The following ANKH variants were observed in gnomAD, a reference collection of about 807,000 sequenced individuals.
The protein encoded by ANKH is ANKH inorganic pyrophosphate transport regulator, also known as mineralization regulator ANKH.
In ANKH, 15 loss-of-function variants were observed where a neutral mutation model predicts 49.0. The observed-to-expected ratio is 0.31, with a 90% CI of 0.20 to 0.47. The LOEUF is 0.47. Ranked by LOEUF, ANKH falls within the 20% of genes least tolerant of loss-of-function variation. The pLI is 1.00. For missense variants in ANKH, 429 were observed against 652.0 expected (o/e 0.66, Z 3.72); for synonymous variants, 273 against 260.0 (o/e 1.05, Z -0.48).
At chr5:14,720,267 A>G (rs7727182) in intron 8 of ANKH, among the ~76,000 whole-genome samples, 2,291 of 152,322 alleles carry the variant, frequency 0.015, 68 homozygotes, top group African/African-American at 0.053. Context: ...GCTTGATGAC[A>G]GTACTCACAC....
chr5:14,762,567 C>T (rs1329844299), intron 2 of ANKH, among the ~76,000 whole-genome samples: 1 of 152,156 alleles, frequency 6.6e-6, no homozygotes, highest in Non-Finnish European at 1.5e-5. Flanking sequence ...GATTTTCTAA[C>T]TTCCATCTAC....
intron 1 of ANKH, among the ~76,000 whole-genome samples, chr5:14,781,461 T>C (rs906842632): frequency 1.3e-4 from 20 of 152,166 alleles, no homozygotes; most frequent in Non-Finnish European, 2.2e-4. Context: ...CCATTAAGAA[T>C]AGGGACAAAC....
intron 1 of ANKH, among the ~76,000 whole-genome samples, chr5:14,856,484 G>A (rs569061437): frequency 1.3e-4 from 20 of 152,082 alleles, no homozygotes; most frequent in African/African-American, 3.1e-4. Context: ...GCCAGTGGGT[G>A]CAGAGGTCCT....
intron 1 of ANKH, among the ~76,000 whole-genome samples, chr5:14,785,533 T>C (rs1739946853): frequency 6.6e-6 from 1 of 152,180 alleles, no homozygotes; most frequent in Admixed American, 6.5e-5. Context: ...CTATGCTTCT[T>C]GTACAGCCTG....
chr5:14,840,694 C>G (rs1212057106), intron 1 of ANKH, among the ~76,000 whole-genome samples: 2 of 152,204 alleles, frequency 1.3e-5, no homozygotes, highest in Non-Finnish European at 2.9e-5. Flanking sequence ...TACACATTTT[C>G]AAATTATCTG....
chr5:14,841,080 C>A (rs553270661), intron 1 of ANKH, among the ~76,000 whole-genome samples: 1 of 152,036 alleles, frequency 6.6e-6, no homozygotes, highest in Non-Finnish European at 1.5e-5. Context: ...CTAATTGTCA[C>A]TACTGAGAGG....
intron 1 of ANKH, among the ~76,000 whole-genome samples, chr5:14,799,952 C>A (rs538642316): frequency 5.9e-5 from 9 of 152,180 alleles, no homozygotes; most frequent in African/African-American, 1.9e-4. Context: ...ATAGTGAAAA[C>A]CTTCTGGAAA....
At chr5:14,717,419 G>T (rs956859156) in intron 8 of ANKH, among the ~76,000 whole-genome samples, 1 of 152,226 alleles carries the variant, frequency 6.6e-6, no homozygotes, top group Non-Finnish European at 1.5e-5. Context: ...ATGGTAAACT[G>T]ATGTAACAGA....
chr5:14,766,397 AAAACAAAC>A (rs927296328), intron 2 of ANKH, among the ~76,000 whole-genome samples: 1 of 152,150 alleles, frequency 6.6e-6, no homozygotes, highest in African/African-American at 2.4e-5. Context: ...CTCTGTCTCA[AAAACAAAC>A]AAACAAACAA....
chr5:14,730,334 AT>A (rs987710812), intron 8 of ANKH, among the ~76,000 whole-genome samples: 8 of 152,060 alleles, frequency 5.3e-5, no homozygotes, highest in African/African-American at 1.4e-4. Flanking sequence ...AGGGAAAATT[AT>A]TTTTTTTAAA....
chr5:14,800,896 T>C (rs1385925971), intron 1 of ANKH, among the ~76,000 whole-genome samples: 1 of 151,172 alleles, frequency 6.6e-6, no homozygotes, highest in Non-Finnish European at 1.5e-5. Context: ...TGGCTAGTTA[T>C]TTTATTTTTT....
intron 2 of ANKH, among the ~76,000 whole-genome samples, chr5:14,762,689 C>T (rs1739126200): frequency 6.6e-6 from 1 of 151,416 alleles, no homozygotes; most frequent in South Asian, 2.1e-4. Context: ...GTTGGGGCGA[C>T]TCCCTCCCTC....
intron 8 of ANKH, among the ~76,000 whole-genome samples, chr5:14,719,898 G>A (rs1203079700): frequency 6.6e-6 from 1 of 152,166 alleles, no homozygotes; most frequent in East Asian, 1.9e-4. Flanking sequence ...AACTTTGGAA[G>A]ATCCTGTTAA....
At chr5:14,771,937 A>AGC (rs377017231) in intron 1 of ANKH, among the ~76,000 whole-genome samples, 1 of 140,386 alleles carries the variant, frequency 7.1e-6, no homozygotes. Flanking sequence ...AAAAAAAAAA[A>AGC]AAAAAAAAAA....
chr5:14,742,009 G>C lies in ANKH; in HGVS notation c.916-87C>G, dbSNP rs1322072774. 4.0e-6 allele frequency: 4 copies of C among 1,006,608 alleles called. No individual in the cohort carries two copies. In the African/African-American group the frequency reaches 6.3e-5, roughly 16 times the overall value. 62.4% of individuals were successfully genotyped at this position (1,006,608 alleles called of 1,614,324 possible). The stretch of plus-strand genomic sequence containing the variant: ...GGATCTTGAAGAGCATCTTGCTTTT[G>C]TTTTATCTGATGTGTCTGAATTAGA... On this transcript the variant is annotated intron_variant, in intron 7 of 11. Coordinates refer to ENST00000284268, the MANE Select transcript of ANKH (RefSeq NM_054027.6).
intron 8 of ANKH, among the ~76,000 whole-genome samples, chr5:14,729,530 G>A (rs1231141467): frequency 2.0e-5 from 3 of 151,788 alleles, no homozygotes; most frequent in Non-Finnish European, 2.9e-5. Context: ...TTGAGGACGC[G>A]AGAGGCAGTG....
At chr5:14,804,562 C>A (rs756326865) in intron 1 of ANKH, among the ~76,000 whole-genome samples, 1 of 152,162 alleles carries the variant, frequency 6.6e-6, no homozygotes, top group Non-Finnish European at 1.5e-5. Context: ...TACTTTGTTT[C>A]TTCTGTAAAA....
intron 1 of ANKH, among the ~76,000 whole-genome samples, chr5:14,857,059 C>T (rs1399599046): frequency 3.3e-5 from 5 of 152,158 alleles, no homozygotes; most frequent in African/African-American, 4.8e-5. Flanking sequence ...CCCAAATATA[C>T]GGGGGAGTAA....
chr5:14,749,327 A>G (rs768485536), intron 5 of ANKH, 21 bp from the exon 6 acceptor site: 4 of 1,614,118 alleles, frequency 2.5e-6, no homozygotes, highest in Non-Finnish European at 3.4e-6. Flanking sequence ...AAACGAAGAT[A>G]AAAGTTACCT....
Sources: gnomAD v4.1 joint callset for allele counts (sites outside exome capture counted in the v4.1 genomes callset) on GRCh38, gnomAD v4.1.1 for gene constraint, MANE v1.5 for transcripts, NCBI Gene and HGNC (gene_info 2026-07-23, HGNC 2026-07-21) for gene names.